The following THOC2 variants were observed in gnomAD, a reference collection of about 807,000 sequenced individuals.
THOC2 encodes the protein THO complex subunit 2, also known as THO complex 2.
A neutral mutation model predicts 128.4 loss-of-function variants in THOC2; 10 were observed. The ratio of observed to expected loss-of-function variants is 0.08; its 90% CI spans 0.05 to 0.13. The LOEUF (loss-of-function observed/expected upper bound fraction) is 0.13. Ranked by LOEUF, THOC2 falls within the 10% of genes least tolerant of loss-of-function variation. THOC2 has a pLI of 1.00. For synonymous variants in THOC2, 393 were observed against 396.9 expected, an observed-to-expected ratio of 0.99 and a Z score of 0.12; for missense variants, 535 against 1,155.7, an observed-to-expected ratio of 0.46 and a Z score of 7.79.
At position 123,667,084 on chromosome X, in the gene THOC2, AATAAAGT is replaced by A. The variant is rs765393067; in HGVS notation, c.1190+15_1190+21del. 7 of 1,095,585 alleles carry A rather than the reference AATAAAGT, an allele frequency of 6.4e-6. No individual in the cohort carries two copies. The highest frequency in any genetic ancestry group is 2.2e-5 in the South Asian group (1 of 46,034). 90.3% of individuals were successfully genotyped at this position (1,095,585 alleles called of 1,213,427 possible). On this transcript the variant is annotated intron_variant, in intron 11 of 38. Transcript: ENST00000245838. ...CTAAGCTATTTCTACCTCAATGATTAATAAAGTATAAAGTTACATACCTTCGGTAGAG... is the reference window on the plus strand; with the variant it reads ...CTAAGCTATTTCTACCTCAATGATTAATAAAGTTACATACCTTCGGTAGAG...
chrX:123,732,394 A>C (rs1282301969), intron 1 of THOC2, among the ~76,000 whole-genome samples: 1 of 112,391 alleles, frequency 8.9e-6, no homozygotes, highest in Non-Finnish European at 1.9e-5. Flanking sequence ...GCTCCCCGGG[A>C]GGGCGAGAGG....
At position 123,722,632 on chromosome X, in the gene THOC2, C is replaced by T. The variant is rs376361481; in HGVS notation, c.72-9724G>A. On this transcript the variant is annotated intron_variant, in intron 1 of 38. Coordinates refer to ENST00000245838, the MANE Select transcript of THOC2 (RefSeq NM_001081550.2). ...TACCTAATGCACGTGGGGCTTAAAACTTAGATGACAGGTTGATAGGTGCAG... is the reference window on the plus strand; with the variant it reads ...TACCTAATGCACGTGGGGCTTAAAATTTAGATGACAGGTTGATAGGTGCAG... Among the ~76,000 whole-genome samples the T allele has an allele frequency of 7.9e-4, 87 of 110,026 alleles. 1 individual carries two copies. The highest frequency in any genetic ancestry group is 2.7e-3 in the African/African-American group (82 of 30,245).
In THOC2 at chrX:123,633,056, C is replaced by A; in HGVS notation, c.2137-16G>T. The A allele has an allele frequency of 8.5e-7, 1 of 1,181,204 alleles. No homozygotes were observed. Among genetic ancestry groups the A allele is most frequent in the Non-Finnish European group, 1.1e-6 (1 of 871,036 alleles). On this transcript the variant is annotated splice_polypyrimidine_tract_variant and intron_variant, in intron 20 of 38. Coordinates refer to ENST00000245838, the MANE Select transcript of THOC2 (RefSeq NM_001081550.2). Reference sequence around the variant, plus strand: ...AATAACCACCCTGCACAAGGGAAGACACAAATTTACCAGTGTACAGTACAT... The same window carrying A: ...AATAACCACCCTGCACAAGGGAAGAAACAAATTTACCAGTGTACAGTACAT...
At chrX:123,660,968 T>C (rs180771977) in intron 12 of THOC2, among the ~76,000 whole-genome samples, 374 of 112,253 alleles carry the variant, frequency 3.3e-3, no homozygotes, top group African/African-American at 9.1e-3. Flanking sequence ...ATATACACAA[T>C]GGAATACTAT....
intron 12 of THOC2, among the ~76,000 whole-genome samples, chrX:123,664,243 C>A (rs948573161): frequency 7.1e-5 from 8 of 111,892 alleles, no homozygotes; most frequent in Non-Finnish European, 1.3e-4. Context: ...GTCCTAAAAC[C>A]ATAAAAACCC....
chrX:123,721,212 T>C (rs1040459359), intron 1 of THOC2, among the ~76,000 whole-genome samples: 2 of 109,555 alleles, frequency 1.8e-5, no homozygotes, highest in Non-Finnish European at 3.8e-5. Context: ...TTGCTCTGTC[T>C]CCCAGGCTGG....
intron 12 of THOC2, among the ~76,000 whole-genome samples, chrX:123,655,920 A>G (rs2048551299): frequency 9.1e-6 from 1 of 110,330 alleles, no homozygotes; most frequent in Non-Finnish European, 1.9e-5. Context: ...TTTTATTTAT[A>G]TTTATAAGAA....
intron 33 of THOC2, among the ~76,000 whole-genome samples, chrX:123,618,544 C>T (rs894071564): frequency 1.3e-4 from 15 of 111,782 alleles, no homozygotes; most frequent in African/African-American, 4.5e-4. Flanking sequence ...TCATGCTTAG[C>T]TGATTTCTAT....
chrX:123,667,718 G>C (rs2049103968), intron 10 of THOC2, among the ~76,000 whole-genome samples: 1 of 109,173 alleles, frequency 9.2e-6, no homozygotes, highest in Non-Finnish European at 1.9e-5. Flanking sequence ...CAGCCCGGGT[G>C]AAAGAGTGAG....
intron 25 of THOC2, among the ~76,000 whole-genome samples, chrX:123,625,499 T>C (rs2047235994): frequency 9.1e-6 from 1 of 110,300 alleles, no homozygotes; most frequent in African/African-American, 3.3e-5. Flanking sequence ...TATATGTGTG[T>C]GAAGGTGTAA....
intron 15 of THOC2, among the ~76,000 whole-genome samples, chrX:123,643,209 A>G (rs2047996878): frequency 9.0e-6 from 1 of 111,280 alleles, no homozygotes; most frequent in African/African-American, 3.3e-5. Flanking sequence ...TTTAGGGGAC[A>G]TAAGTAGGCT....
chrX:123,644,734 C>A (rs2048058834), intron 14 of THOC2, 45 bp downstream of exon 14: 2 of 1,156,806 alleles, frequency 1.7e-6, no homozygotes, highest in Non-Finnish European at 2.3e-6. Context: ...GGTTAATATA[C>A]TAGAATTACT....
chrX:123,649,358 C>G (rs1233991057), intron 12 of THOC2, among the ~76,000 whole-genome samples: 1 of 111,532 alleles, frequency 9.0e-6, no homozygotes, highest in Non-Finnish European at 1.9e-5. Flanking sequence ...AAAAACAGCA[C>G]AAAAAGGCTG....
intron 8 of THOC2, among the ~76,000 whole-genome samples, chrX:123,682,831 G>C (rs1354805897): frequency 1.8e-5 from 2 of 111,209 alleles, no homozygotes; most frequent in African/African-American, 6.5e-5. Context: ...TGTATAATAG[G>C]GTTGAACCAT....
At position 123,632,942 on chromosome X, in the gene THOC2, A is replaced by T. The variant is rs367669630; in HGVS notation, c.2235T>A (p.Leu745=). ...TTACCCCATTTCTCTGCTGAGCCATAAGCAGACAGAGAGGAAGGGCAAGAT... is the reference window on the plus strand; with the variant it reads ...TTACCCCATTTCTCTGCTGAGCCATTAGCAGACAGAGAGGAAGGGCAAGAT... ...DHDLALPLCL[L]MAQQRNGVIF... Residue 745 remains leucine, a synonymous_variant, in exon 21 of 39, where the codon CTT becomes CTA. Coordinates refer to ENST00000245838, the MANE Select transcript of THOC2 (RefSeq NM_001081550.2). 7 of 1,204,033 alleles carry T rather than the reference A, an allele frequency of 5.8e-6. No individual in the cohort carries two copies. The highest frequency in any genetic ancestry group is 7.9e-6 in the Non-Finnish European group (7 of 888,623).
chrX:123,659,527 C>T (rs374373591), intron 12 of THOC2, among the ~76,000 whole-genome samples: 4 of 111,769 alleles, frequency 3.6e-5, no homozygotes, highest in East Asian at 5.6e-4. Flanking sequence ...GCCGAGGTTG[C>T]GCCACTGCAC....
At chrX:123,642,933 C>T (rs988197502) in intron 15 of THOC2, among the ~76,000 whole-genome samples, 2 of 110,951 alleles carry the variant, frequency 1.8e-5, no homozygotes, top group East Asian at 2.8e-4. Flanking sequence ...ATCATGTAAA[C>T]ACATAAACTA....
At chrX:123,605,815 AAAAC>A (rs920811592) in intron 38 of THOC2, among the ~76,000 whole-genome samples, 1 of 111,530 alleles carries the variant, frequency 9.0e-6, no homozygotes, top group East Asian at 2.8e-4. Flanking sequence ...AACTGAAGGG[AAAAC>A]AAACAAACAA....
chrX:123,693,376 G>A (rs2050309907), intron 7 of THOC2, among the ~76,000 whole-genome samples: 1 of 111,947 alleles, frequency 8.9e-6, no homozygotes. Flanking sequence ...TGAGGCACGA[G>A]AATCGTTTGA....
Sources: gnomAD v4.1 joint callset for allele counts (sites outside exome capture counted in the v4.1 genomes callset) on GRCh38, gnomAD v4.1.1 for gene constraint, MANE v1.5 for transcripts, NCBI Gene and HGNC (gene_info 2026-07-23, HGNC 2026-07-21) for gene names.